GLIS1: variants seen among roughly 807,000 people sequenced by gnomAD.
GLIS1 encodes GLIS family zinc finger 1.
Under a neutral mutation model 63.8 loss-of-function variants are expected in GLIS1, and 24 were observed. That is an observed-to-expected ratio of 0.38 (90% confidence interval 0.27 to 0.53). The LOEUF is 0.53. GLIS1 is among the 20% of genes least tolerant of loss of function. The pLI, the probability that GLIS1 is intolerant of heterozygous loss-of-function variation, is 0.85. For missense variants in GLIS1, 1,036 were observed against 1,074.1 expected (o/e 0.96, Z 0.50); for synonymous variants, 450 against 482.5 (o/e 0.93, Z 0.88).
chr1:53,564,380 G>A (rs1270968796), intron 4 of GLIS1, among the ~76,000 whole-genome samples: 2 of 151,816 alleles, frequency 1.3e-5, no homozygotes, highest in East Asian at 3.9e-4. Flanking sequence ...AGACAATAAC[G>A]GCAACAACAA....
chr1:53,566,549 T>G, intron 4 of GLIS1, among the ~76,000 whole-genome samples: 1 of 152,216 alleles, frequency 6.6e-6, no homozygotes, highest in Non-Finnish European at 1.5e-5. Flanking sequence ...TTACCAGATC[T>G]ATATGAGGAA....
intron 4 of GLIS1, among the ~76,000 whole-genome samples, chr1:53,530,484 A>C (rs1644518658): frequency 6.6e-6 from 1 of 152,168 alleles, no homozygotes; most frequent in Admixed American, 6.5e-5. Flanking sequence ...TAGGACATTG[A>C]ATGTCATGGG....
intron 2 of GLIS1, among the ~76,000 whole-genome samples, chr1:53,694,714 G>A (rs1341412145): frequency 6.6e-6 from 1 of 151,974 alleles, no homozygotes; most frequent in Non-Finnish European, 1.5e-5. Context: ...TGGGCTACGT[G>A]GGGCACACAG....
chr1:53,550,842 T>C (rs1644750600), intron 4 of GLIS1, among the ~76,000 whole-genome samples: 1 of 151,970 alleles, frequency 6.6e-6, no homozygotes, highest in Non-Finnish European at 1.5e-5. Context: ...ATCCCAGCAA[T>C]TTTTATTTTT....
intron 7 of GLIS1, among the ~76,000 whole-genome samples, chr1:53,515,111 G>GTGTGTGTGTGTGTT (rs1332931225): frequency 6.7e-6 from 1 of 149,650 alleles, no homozygotes; most frequent in African/African-American, 2.5e-5. Flanking sequence ...GTGTGTGTGT[G>GTGTGTGTGTGTGTT]TGTGTGTGTT....
At chr1:53,735,068 T>C (rs1012758848) in intron 2 of GLIS1, among the ~76,000 whole-genome samples, 1 of 152,176 alleles carries the variant, frequency 6.6e-6, no homozygotes, top group African/African-American at 2.4e-5. Context: ...ACCCACTCTC[T>C]TCCTCTGCTT....
rs115677257 is a variant in GLIS1 at position 53,517,237 on chromosome 1, C to T, written c.1727-2456G>A. Among the ~76,000 whole-genome samples, 893 of 152,162 alleles carry T rather than the reference C, an allele frequency of 5.9e-3. 7 individuals carry two copies. Among genetic ancestry groups the T allele is most frequent in the African/African-American group, 0.02 (833 of 41,540 alleles). Reference sequence around the variant, plus strand: ...TCTGGATACCCAGCTGAGGCCTCGGCTCTGGTGCAGGCATCACTGCTGGCT... The same window carrying T: ...TCTGGATACCCAGCTGAGGCCTCGGTTCTGGTGCAGGCATCACTGCTGGCT... On this transcript the variant is annotated intron_variant, in intron 7 of 10. Transcript: ENST00000628545.
At chr1:53,728,453 T>C (rs562804212) in intron 2 of GLIS1, among the ~76,000 whole-genome samples, 1 of 152,260 alleles carries the variant, frequency 6.6e-6, no homozygotes, top group Non-Finnish European at 1.5e-5. Context: ...ACTATTATTA[T>C]CCTCATGTCA....
intron 2 of GLIS1, among the ~76,000 whole-genome samples, chr1:53,608,940 T>C (rs1645398494): frequency 6.6e-6 from 1 of 152,188 alleles, no homozygotes; most frequent in South Asian, 2.1e-4. Context: ...TGGGGGCTAG[T>C]AGAAGCCATC....
At chr1:53,540,900 C>T (rs933568395) in intron 4 of GLIS1, among the ~76,000 whole-genome samples, 4 of 152,238 alleles carry the variant, frequency 2.6e-5, no homozygotes, top group East Asian at 1.9e-4. Flanking sequence ...TTATCACACA[C>T]GTACCACAGG....
chr1:53,690,644 A>G (rs1360253318), intron 2 of GLIS1, among the ~76,000 whole-genome samples: 1 of 152,204 alleles, frequency 6.6e-6, no homozygotes, highest in Non-Finnish European at 1.5e-5. Context: ...CCAGAGAGGC[A>G]GGCAGGGCAG....
intron 2 of GLIS1, among the ~76,000 whole-genome samples, chr1:53,637,878 C>T (rs1233352492): frequency 6.6e-6 from 1 of 152,142 alleles, no homozygotes; most frequent in Non-Finnish European, 1.5e-5. Context: ...GAAGCGTGTT[C>T]CTGGAACAGA....
intron 2 of GLIS1, among the ~76,000 whole-genome samples, chr1:53,633,049 G>A (rs1310061560): frequency 6.7e-6 from 1 of 148,770 alleles, no homozygotes; most frequent in Non-Finnish European, 1.5e-5. Context: ...GAGTGTGACC[G>A]AGGGGCGTGT....
chr1:53,688,417 C>T (rs1646365259), intron 2 of GLIS1, among the ~76,000 whole-genome samples: 1 of 152,192 alleles, frequency 6.6e-6, no homozygotes, highest in African/African-American at 2.4e-5. Context: ...GAGCCAGGGA[C>T]TAGGGACTAC....
chr1:53,733,288 T>C (rs1179610614), intron 2 of GLIS1, among the ~76,000 whole-genome samples: 2 of 152,120 alleles, frequency 1.3e-5, no homozygotes, highest in African/African-American at 2.4e-5. Context: ...GAGGTTCATT[T>C]TGTTTTTTGT....
At chr1:53,726,763 C>T (rs992979729) in intron 2 of GLIS1, among the ~76,000 whole-genome samples, 1 of 152,220 alleles carries the variant, frequency 6.6e-6, no homozygotes, top group Non-Finnish European at 1.5e-5. Context: ...GCCAGACCTG[C>T]ATCCTCCATC....
intron 2 of GLIS1, among the ~76,000 whole-genome samples, chr1:53,694,293 AG>A (rs2100470342): frequency 6.6e-6 from 1 of 152,318 alleles, no homozygotes; most frequent in East Asian, 1.9e-4. Flanking sequence ...ACATCAGCAA[AG>A]CACACAGCAC....
intron 4 of GLIS1, among the ~76,000 whole-genome samples, chr1:53,545,909 T>C (rs1450107174): frequency 2.0e-5 from 3 of 152,252 alleles, no homozygotes; most frequent in African/African-American, 7.2e-5. Flanking sequence ...CGCTGGCTCC[T>C]GTCCTACGTG....
At chr1:53,684,706 C>T (rs952843827) in intron 2 of GLIS1, among the ~76,000 whole-genome samples, 2 of 152,204 alleles carry the variant, frequency 1.3e-5, no homozygotes, top group Admixed American at 1.3e-4. Context: ...CCATGAATCT[C>T]CTTCATACAG....
Sources: allele counts gnomAD v4.1 joint callset (sites outside exome capture counted in the v4.1 genomes callset), GRCh38; gene constraint gnomAD v4.1.1; transcripts MANE v1.5; gene names NCBI Gene and HGNC (gene_info 2026-07-23, HGNC 2026-07-21).